Variants in GTPBP6 observed in about 807,000 individuals in gnomAD.
The protein encoded by GTPBP6 is GTP binding protein 6, also known as putative GTP-binding protein 6.
Under a neutral mutation model 28.9 loss-of-function variants are expected in GTPBP6, and 33 were observed. The observed-to-expected ratio is 1.14, with a 90% CI of 0.87 to 1.53. GTPBP6 has a LOEUF of 1.53. Among genes scored for constraint, GTPBP6 ranks in the 40% most tolerant of loss-of-function variants. GTPBP6 has a pLI of 0.00. For synonymous variants in GTPBP6, 231 were observed against 192.7 expected (o/e 1.20, Z -1.65); for missense variants, 507 against 408.3 (o/e 1.24, Z -2.08).
At chrX:308,918 G>T (rs2070228863) in intron 7 of GTPBP6, among the ~76,000 whole-genome samples, 1 of 151,784 alleles carries the variant, frequency 6.6e-6, no homozygotes, top group South Asian at 2.1e-4. Context: ...TATATTTTTA[G>T]TAGAGACGGG....
chrX:314,169 C>CGA lies in GTPBP6; in HGVS notation c.736_737dup (p.Tyr248AlafsTer18). 6.2e-7 allele frequency: 1 copy of CGA among 1,613,354 alleles called. No homozygotes were observed. Among genetic ancestry groups the CGA allele is most frequent in the African/African-American group, 1.3e-5 (1 of 75,016 alleles). ...AGTTACCTGACCCCATGATGTAGCG[C>CGA]GAGCCGACTCCTCGGTACAGGTGGG... On this transcript the variant is annotated frameshift_variant, in exon 5 of 10. Coordinates refer to ENST00000326153, the Ensembl canonical transcript of GTPBP6. LOFTEE classifies it high-confidence loss of function.
At position 312,925 on chromosome X, in the gene GTPBP6, C is replaced by G. The variant is rs2070343641; in HGVS notation, c.758-1G>C. ...TGCTGCAGCTGCATGAAGGATTCTC[C>G]TAAAAGACACCCGAGATGGTGAGGC... On this transcript the variant is annotated splice_acceptor_variant, in intron 5 of 9. Coordinates refer to ENST00000326153, the Ensembl canonical transcript of GTPBP6. LOFTEE classifies it high-confidence loss of function. 6.2e-7 allele frequency: 1 copy of G among 1,609,504 alleles called. No individual in the cohort carries two copies. The highest frequency in any genetic ancestry group is 1.1e-5 in the South Asian group (1 of 90,856).
chrX:311,592 C>G, exon 7 of GTPBP6: 1 of 1,612,194 alleles, frequency 6.2e-7, no homozygotes, highest in Non-Finnish European at 8.5e-7. Context: ...TGGATGGCGG[C>G]ATCGCCCGTC....
intron 7 of GTPBP6, among the ~76,000 whole-genome samples, chrX:308,167 C>T (rs2070212676): frequency 1.3e-5 from 2 of 152,028 alleles, no homozygotes; most frequent in South Asian, 4.2e-4. Context: ...CCAACCACCA[C>T]CCACCCACCC....
intron 2 of GTPBP6, 68 bp from the exon 3 acceptor site, chrX:315,367 C>T: frequency 2.5e-6 from 1 of 398,560 alleles, no homozygotes; most frequent in Non-Finnish European, 4.4e-6. Flanking sequence ...ATGAGCCCAC[C>T]ATACCCTTTG....
chrX:318,730 C>T (rs1215789904), exon 1 of GTPBP6: 7 of 340,286 alleles, frequency 2.1e-5, no homozygotes, highest in Non-Finnish European at 3.7e-5. Flanking sequence ...GCCGAGCGGC[C>T]GCGGCCCACG....
exon 8 of GTPBP6, chrX:307,786 G>T (rs371010117): frequency 6.5e-6 from 10 of 1,541,456 alleles, no homozygotes. Flanking sequence ...CAGGAGCGGG[G>T]CGGGCAGCTG....
chrX:305,600 C>G (rs1340480322), intron 9 of GTPBP6, among the ~76,000 whole-genome samples: 1 of 147,894 alleles, frequency 6.8e-6, no homozygotes, highest in Non-Finnish European at 1.5e-5. Flanking sequence ...GGATGACAGG[C>G]ATGAGCCACT....
chrX:311,305 C>T, intron 7 of GTPBP6, 114 bp downstream of exon 7: 1 of 650,020 alleles, frequency 1.5e-6, no homozygotes, highest in Non-Finnish European at 2.5e-6. Flanking sequence ...AGGGCCCGGC[C>T]CCTGGGCTGA....
chrX:312,031 C>A, intron 6 of GTPBP6: 1 of 467,840 alleles, frequency 2.1e-6, no homozygotes, highest in Non-Finnish European at 4.1e-6. Context: ...GATATAGATA[C>A]GGCAGTGGTG....
intron 9 of GTPBP6, among the ~76,000 whole-genome samples, chrX:305,686 A>G (rs1192803796): frequency 3.6e-5 from 5 of 138,090 alleles, no homozygotes; most frequent in African/African-American, 1.1e-4. Context: ...GTGCAGTGGC[A>G]CGATCTTGGC....
exon 6 of GTPBP6, chrX:312,913 T>C (rs373753287): frequency 2.6e-5 from 42 of 1,611,930 alleles, no homozygotes; most frequent in African/African-American, 5.3e-5. Flanking sequence ...TGCAGCTGCA[T>C]GAAGGATTCT....
exon 6 of GTPBP6, chrX:312,805 C>T: frequency 1.2e-6 from 2 of 1,612,626 alleles, no homozygotes; most frequent in Non-Finnish European, 1.7e-6. Context: ...ACGGGGAACT[C>T]CCGCCTCGTC....
intron 9 of GTPBP6, 27 bp downstream of exon 9, chrX:307,333 C>G (rs768819829): frequency 6.2e-7 from 1 of 1,607,534 alleles, no homozygotes; most frequent in Non-Finnish European, 8.5e-7. Flanking sequence ...AGCACCATCC[C>G]GTCTCCTGCC....
intron 7 of GTPBP6, among the ~76,000 whole-genome samples, 179 bp downstream of exon 7, chrX:311,240 T>TGGCTTTGTGTGTGTCTGGGTGCCTGGC (rs1569350018): frequency 7.4e-6 from 1 of 135,714 alleles, no homozygotes; most frequent in African/African-American, 3.2e-5. Flanking sequence ...GAGTGCCTGG[T>TGGCTTTGTGTGTGTCTGGGTGCCTGGC]CCCCGTGCCC....
chrX:312,615 C>T (rs764663291), intron 6 of GTPBP6, 151 bp downstream of exon 6: 46 of 807,838 alleles, frequency 5.7e-5, no homozygotes, highest in Admixed American at 3.2e-4. Flanking sequence ...CCCCACACGG[C>T]GACCATGGGA....
intron 5 of GTPBP6, 102 bp from the exon 6 acceptor site, chrX:313,026 C>T: frequency 1.0e-6 from 1 of 997,086 alleles, no homozygotes; most frequent in Non-Finnish European, 1.5e-6. Flanking sequence ...CCTGCTCCCG[C>T]TCCAGCATCT....
At chrX:307,298 T>C (rs1801241018) in intron 9 of GTPBP6, 62 bp downstream of exon 9, 4 of 1,540,886 alleles carry the variant, frequency 2.6e-6, no homozygotes, top group Non-Finnish European at 3.6e-6. Flanking sequence ...AAGAGCCCGT[T>C]TCAGAGCCAG....
chrX:308,483 C>G (rs1185804871), intron 7 of GTPBP6, among the ~76,000 whole-genome samples: 1 of 152,040 alleles, frequency 6.6e-6, no homozygotes, highest in African/African-American at 2.4e-5. Context: ...AAGTTTGAGA[C>G]CAGCCTGGGC....
Sources: gnomAD v4.1 joint callset for allele counts (sites outside exome capture counted in the v4.1 genomes callset) on GRCh38, gnomAD v4.1.1 for gene constraint, MANE v1.5 for transcripts, NCBI Gene and HGNC (gene_info 2026-07-23, HGNC 2026-07-21) for gene names.